Variants in SIDT2 observed in about 807,000 individuals in gnomAD.
SIDT2 encodes the protein SID1 transmembrane family, member 2.
In SIDT2, 68 loss-of-function variants were observed where a neutral mutation model predicts 114.4. The ratio of observed to expected loss-of-function variants is 0.59; its 90% CI spans 0.49 to 0.73. The LOEUF is 0.73. SIDT2 is among the 30% of genes least tolerant of loss of function. The pLI, the probability that SIDT2 is intolerant of heterozygous loss-of-function variation, is 0.00. For missense variants in SIDT2, 918 were observed against 1,097.1 expected, an observed-to-expected ratio of 0.84 and a Z score of 2.31; for synonymous variants, 470 against 438.4, an observed-to-expected ratio of 1.07 and a Z score of -0.90.
chr11:117,192,287 G>T lies in SIDT2; in HGVS notation c.1906G>T (p.Val636Phe). The T allele has an allele frequency of 6.2e-7, 1 of 1,611,760 alleles. No homozygotes were observed. The highest frequency in any genetic ancestry group is 1.7e-4 in the Middle Eastern group (1 of 6,052). ...FGKGNTAFWI[V>F]FSIIHIIATL... ...CAAAGGGAACACGGCGTTCTGGATC[G>T]TCTTCTCCATCATTCACATCATCGC... The change falls in exon 20 of 26, where the codon GTC becomes TTC. Residue 636 changes from valine to phenylalanine, a missense_variant. Physicochemically the swap from Val to Phe is conservative, Grantham distance 50. Transcript: ENST00000324225. This position sits in a 1 kb window ranked among gnomAD's most constrained non-coding sequence, Gnocchi z 5.9.
chr11:117,191,785 GCT>G, intron 18 of SIDT2, 91 bp from the exon 19 acceptor site: 1 of 1,533,240 alleles, frequency 6.5e-7, no homozygotes, highest in Non-Finnish European at 8.8e-7. Context: ...GGGCACCAGG[GCT>G]CTCTCTTCCT....
At chr11:117,189,535 G>A in intron 15 of SIDT2, 134 bp downstream of exon 15, 1 of 939,896 alleles carries the variant, frequency 1.1e-6, no homozygotes. Flanking sequence ...TCCCAGCCGA[G>A]TGACCCAGGG....
At position 117,196,274 on chromosome 11, in the gene SIDT2, C is replaced by T. The variant is rs930362368; in HGVS notation, c.*208C>T. 16 of 648,794 alleles carry T rather than the reference C, an allele frequency of 2.5e-5. No homozygotes were observed. Among genetic ancestry groups the T allele is most frequent in the African/African-American group, 2.2e-4 (12 of 54,662 alleles). 40.2% of individuals were successfully genotyped at this position (648,794 alleles called of 1,614,324 possible). A position where few individuals can be genotyped will look rare whatever the true frequency, so the allele number is the denominator to read the frequency against. On this transcript the variant is annotated 3_prime_UTR_variant, in exon 26 of 26. Transcript: ENST00000324225. This position sits in a 1 kb window ranked among gnomAD's most constrained non-coding sequence, Gnocchi z 4.9. ...AGCTGCCCTCTGCCGAGGAGCAGGC[C>T]TGCTCCCCTGGAACCCCCAGATGTT...
Position 117,186,599 on chromosome 11 carries a change from C to A in SIDT2, c.978C>A (p.Thr326=). The A allele has an allele frequency of 6.4e-7, 1 of 1,570,546 alleles. No individual in the cohort carries two copies. The highest frequency in any genetic ancestry group is 8.6e-7 in the Non-Finnish European group (1 of 1,161,842). ...CWENWRQKKK[T]LLVAIDRACP... ...GTCCATGCAGGCAGAAGAAGAAGAC[C>A]CTGCTGGTGGCCATTGACCGAGCCT... is the stretch of plus-strand genomic sequence containing the variant. The change falls in exon 10 of 26, where the codon ACC becomes ACA. Residue 326 remains threonine, a synonymous_variant. Transcript: ENST00000324225.
chr11:117,188,611 C>G lies in SIDT2; in HGVS notation c.1160-97C>G. On this transcript the variant is annotated intron_variant, in intron 12 of 25. Coordinates refer to ENST00000324225, the MANE Select transcript of SIDT2 (RefSeq NM_001040455.2). This position sits in a 1 kb window ranked among gnomAD's most constrained non-coding sequence, Gnocchi z 4.0. Reference sequence around the variant, plus strand: ...GCCCAGCCCACAATTTGCCTCTTCCCTACTGCCTAATAATTGTTACAATTG... The same window carrying G: ...GCCCAGCCCACAATTTGCCTCTTCCGTACTGCCTAATAATTGTTACAATTG... 1 of 963,046 alleles carries G rather than the reference C, an allele frequency of 1.0e-6. No homozygotes were observed. Among genetic ancestry groups the G allele is most frequent in the South Asian group, 1.4e-5 (1 of 73,302 alleles). 59.7% of individuals were successfully genotyped at this position (963,046 alleles called of 1,614,324 possible). A position where few individuals can be genotyped will look rare whatever the true frequency, so the allele number is the denominator to read the frequency against.
rs141277106 is a variant in SIDT2, at chr11:117,188,710, C to A, written c.1162C>A (p.Arg388Ser). 6.2e-7 allele frequency: 1 copy of A among 1,613,806 alleles called. No individual in the cohort carries two copies. The highest frequency in any genetic ancestry group is 1.3e-5 in the African/African-American group (1 of 75,046). The change falls in exon 13 of 26, where the codon CGC becomes AGC. Residue 388 changes from arginine to serine, a missense_variant and splice_region_variant. Arg to Ser is a moderately radical substitution (Grantham distance 110). This residue lies in a region of SIDT2 where 553 missense variants were observed against 600.1 expected (regional missense o/e 0.92). Coordinates refer to ENST00000324225, the MANE Select transcript of SIDT2 (RefSeq NM_001040455.2). This position sits in a 1 kb window ranked among gnomAD's most constrained non-coding sequence, Gnocchi z 4.0. The part of the protein sequence containing the change: ...TGDLSYGYQG[R>S]SFEPVGTRPR... ...CCCTCCCTCCCTGCCCTTTCCAGGC[C>A]GCTCCTTTGAACCTGTAGGTACTCG...
chr11:117,196,665 G>A lies in SIDT2; in HGVS notation c.*599G>A, dbSNP rs1226189806. ...GACTTTTGGTGCTAAGGCCTGCAAGGGGCCTGGGGCAGTGCGTATTCTCTT... is the reference window on the plus strand; with the variant it reads ...GACTTTTGGTGCTAAGGCCTGCAAGAGGCCTGGGGCAGTGCGTATTCTCTT... On this transcript the variant is annotated 3_prime_UTR_variant, in exon 26 of 26. Coordinates refer to ENST00000324225, the MANE Select transcript of SIDT2 (RefSeq NM_001040455.2). This position sits in a 1 kb window ranked among gnomAD's most constrained non-coding sequence, Gnocchi z 4.9. 1 of 159,016 alleles carries A rather than the reference G, an allele frequency of 6.3e-6. No individual in the cohort carries two copies. Among genetic ancestry groups the A allele is most frequent in the Non-Finnish European group, 1.4e-5 (1 of 71,606 alleles). 9.9% of individuals were successfully genotyped at this position (159,016 alleles called of 1,614,324 possible). A position where few individuals can be genotyped will look rare whatever the true frequency, so the allele number is the denominator to read the frequency against.
In SIDT2 at chr11:117,186,309, C is replaced by G. The variant is rs2030494069; in HGVS notation, c.962+86C>G. 3 of 1,182,576 alleles carry G rather than the reference C, an allele frequency of 2.5e-6. No individual in the cohort carries two copies. The African/African-American group carries it at 4.5e-5, about 18-fold the overall frequency. 73.3% of individuals were successfully genotyped at this position (1,182,576 alleles called of 1,614,324 possible). A position where few individuals can be genotyped will look rare whatever the true frequency, so the allele number is the denominator to read the frequency against. ...ATCACCTGGCAGGATCTGAGCCAGC[C>G]TAGGGTAATCTACACCATCCATAGC... On this transcript the variant is annotated intron_variant, in intron 9 of 25. Transcript: ENST00000324225.
At chr11:117,195,775 C>G (rs370786194) in intron 24 of SIDT2, 27 bp from the exon 25 acceptor site, 3 of 1,612,884 alleles carry the variant, frequency 1.9e-6, no homozygotes, top group Non-Finnish European at 2.5e-6. Context: ...CAGGGTCATT[C>G]GGCAGTTTTT....
In SIDT2 at chr11:117,192,133, A is replaced by G. The variant is rs1232098023; in HGVS notation, c.1872+119A>G. The G allele has an allele frequency of 2.6e-6, 4 of 1,553,986 alleles. No individual in the cohort carries two copies. Among genetic ancestry groups the G allele is most frequent in the Non-Finnish European group, 3.5e-6 (4 of 1,138,648 alleles). On this transcript the variant is annotated intron_variant, in intron 19 of 25. Coordinates refer to ENST00000324225, the MANE Select transcript of SIDT2 (RefSeq NM_001040455.2). This position sits in a 1 kb window ranked among gnomAD's most constrained non-coding sequence, Gnocchi z 5.9. Reference sequence around the variant, plus strand: ...GAGAGATTCCTGCTCCTTCCCTGAGATGCCTTCCTGGGCCCCTCTCAGAGT... The same window carrying G: ...GAGAGATTCCTGCTCCTTCCCTGAGGTGCCTTCCTGGGCCCCTCTCAGAGT...
In SIDT2 at chr11:117,179,393, A is replaced by G. The variant is rs771214565; in HGVS notation, c.130A>G (p.Asn44Asp). The G allele has an allele frequency of 3.7e-6, 6 of 1,613,204 alleles. No individual in the cohort carries two copies. The highest frequency in any genetic ancestry group is 5.1e-6 in the Non-Finnish European group (6 of 1,179,704). ...TGAGCGCACCTACGTGGACGAGGTC[A>G]ACAGCGAGCTGGTCAACATCTACAC... ...EFERTYVDEV[N>D]SELVNIYTFN... The change falls in exon 1 of 26, where the codon AAC becomes GAC. Residue 44 changes from asparagine (N) to aspartate (D), a missense_variant. Physicochemically the swap from Asn to Asp is conservative, Grantham distance 23. Coordinates refer to ENST00000324225, the MANE Select transcript of SIDT2 (RefSeq NM_001040455.2).
At position 117,180,307 on chromosome 11, in the gene SIDT2, T is replaced by A. The variant is rs181021217; in HGVS notation, c.183+861T>A. 5.8e-3 allele frequency among the ~76,000 whole-genome samples: 888 copies of A among 152,310 alleles called. 3 individuals are homozygous for A. The highest frequency in any genetic ancestry group is 9.7e-3 in the Non-Finnish European group (657 of 68,030). ...GATCTGCCCCCAGTGCCTGGTTCTCTGAAGTTTGATCTCTTTCTGCTTAGA... is the reference window on the plus strand; with the variant it reads ...GATCTGCCCCCAGTGCCTGGTTCTCAGAAGTTTGATCTCTTTCTGCTTAGA... On this transcript the variant is annotated intron_variant, in intron 1 of 25. Transcript: ENST00000324225.
At chr11:117,194,788 A>G (rs555782147) in intron 24 of SIDT2, among the ~76,000 whole-genome samples, 1 of 152,082 alleles carries the variant, frequency 6.6e-6, no homozygotes, top group Non-Finnish European at 1.5e-5. Context: ...TCTGGGCTAT[A>G]AAAGTCTTGG....
At position 117,186,605 on chromosome 11, in the gene SIDT2, G is replaced by A. The variant is rs763769550; in HGVS notation, c.984G>A (p.Leu328=). ...GCAGGCAGAAGAAGAAGACCCTGCT[G>A]GTGGCCATTGACCGAGCCTGCCCAG... ...ENWRQKKKTL[L]VAIDRACPES... is the part of the protein sequence containing the mutation. Residue 328 remains leucine (L), a synonymous_variant, in exon 10 of 26, where the codon CTG becomes CTA. Coordinates refer to ENST00000324225, the MANE Select transcript of SIDT2 (RefSeq NM_001040455.2). 2.5e-6 allele frequency: 4 copies of A among 1,571,500 alleles called. No individual in the cohort carries two copies. The South Asian group carries it at 3.6e-5, about 14-fold the overall frequency.
Position 117,187,668 on chromosome 11 carries a change from T to C in SIDT2, c.1128T>C (p.Ala376=). The C allele has an allele frequency of 2.5e-6, 4 of 1,614,040 alleles. No individual in the cohort carries two copies. Among genetic ancestry groups the C allele is most frequent in the Non-Finnish European group, 3.4e-6 (4 of 1,179,984 alleles). The change falls in exon 12 of 26, where the codon GCT becomes GCC. Residue 376 remains alanine (A), a synonymous_variant. Transcript: ENST00000324225. ...CTACCGATGGTCTGGTTGACAGCGC[T>C]GGCACTGGGGACCTCTCTTACGGTT... The part of the protein sequence containing the change: ...SGSTDGLVDS[A]GTGDLSYGYQ...
intron 9 of SIDT2, 98 bp from the exon 10 acceptor site, chr11:117,186,486 G>T: frequency 2.5e-6 from 3 of 1,209,810 alleles, no homozygotes; most frequent in South Asian, 1.5e-5. Flanking sequence ...GGGTCATAGC[G>T]ATGAGAGTGG....
intron 8 of SIDT2, chr11:117,185,895 AG>A: frequency 1.2e-5 from 4 of 339,360 alleles, no homozygotes; most frequent in South Asian, 3.7e-5. Flanking sequence ...AAAAAAAAAA[AG>A]TAGAAGAGAA....
Position 117,188,369 on chromosome 11 carries a change from T to G in SIDT2, c.1160-339T>G, listed in dbSNP as rs1338398337. The G allele has an allele frequency of 2.7e-6, 1 of 376,486 alleles. No homozygotes were observed. Among genetic ancestry groups the G allele is most frequent in the African/African-American group, 2.0e-5 (1 of 48,870 alleles). 23.3% of individuals were successfully genotyped at this position (376,486 alleles called of 1,614,324 possible). A position where few individuals can be genotyped will look rare whatever the true frequency, so the allele number is the denominator to read the frequency against. On this transcript the variant is annotated intron_variant, in intron 12 of 25. Transcript: ENST00000324225. This position sits in a 1 kb window ranked among gnomAD's most constrained non-coding sequence, Gnocchi z 4.0. The stretch of plus-strand genomic sequence containing the variant: ...CTGGGCACCCTTGAATCAGCATGAC[T>G]TGCCGAGTTCAATCCTGTTGTTTGT...
Position 117,187,464 on chromosome 11 carries a change from C to T in SIDT2, c.1087+15C>T. ...TGGCTCCTTTGGTACGTGTCAAAGC[C>T]AGCACCGTGCTTGCTGGGGACATGA... On this transcript the variant is annotated intron_variant, in intron 11 of 25. Coordinates refer to ENST00000324225, the MANE Select transcript of SIDT2 (RefSeq NM_001040455.2). 2 of 1,613,508 alleles carry T rather than the reference C, an allele frequency of 1.2e-6. No homozygotes were observed. Among genetic ancestry groups the T allele is most frequent in the Non-Finnish European group, 1.7e-6 (2 of 1,179,452 alleles).
Sources: gnomAD v4.1 joint callset for allele counts (sites outside exome capture counted in the v4.1 genomes callset) on GRCh38, gnomAD v4.1.1 for gene constraint, gnomAD v4.1.1 regional missense constraint, Gnocchi (gnomAD v3.1) non-coding constraint, MANE v1.5 for transcripts, NCBI Gene and HGNC (gene_info 2026-07-23, HGNC 2026-07-21) for gene names.